Variants in ATP13A3 observed in about 807,000 individuals in gnomAD.
ATP13A3 encodes ATPase 13A3, also known as polyamine-transporting ATPase 13A3.
ATP13A3 carries 59 observed loss-of-function variants against 158.1 expected under a neutral mutation model. That is an observed-to-expected ratio of 0.37 (90% confidence interval 0.30 to 0.46). The LOEUF (loss-of-function observed/expected upper bound fraction) is 0.46. Ranked by LOEUF, ATP13A3 falls within the 20% of genes least tolerant of loss-of-function variation. The probability of loss-of-function intolerance (pLI) is 1.00; values close to 1 mark genes in which losing one functional copy is unlikely to be tolerated. For missense variants in ATP13A3, 1,166 were observed against 1,525.2 expected (o/e 0.76, Z 3.92); for synonymous variants, 491 against 504.3 (o/e 0.97, Z 0.35).
At chr3:194,414,568 G>A (rs986273411) in intron 31 of ATP13A3, among the ~76,000 whole-genome samples, 1 of 151,952 alleles carries the variant, frequency 6.6e-6, no homozygotes, top group Non-Finnish European at 1.5e-5. Context: ...CAATCTAAGT[G>A]TTCACTTTAA....
rs374720711 is a variant in ATP13A3, at chr3:194,411,542, CCT to C, written c.3573+655_3573+656del. On this transcript the variant is annotated intron_variant, in intron 33 of 33. Coordinates refer to ENST00000645319, the MANE Select transcript of ATP13A3 (RefSeq NM_001367549.1). Reference sequence around the variant, plus strand: ...CTAACACTAGGAAATGGGTTTTATTCCTCTGTTTCTCTTCTCTCTTTACCACA... The same window carrying C: ...CTAACACTAGGAAATGGGTTTTATTCCTGTTTCTCTTCTCTCTTTACCACA... 2.5e-3 allele frequency among the ~76,000 whole-genome samples: 382 copies of C among 152,280 alleles called. 2 individuals are homozygous for C. The highest frequency in any genetic ancestry group is 8.7e-3 in the African/African-American group (362 of 41,566).
intron 15 of ATP13A3, among the ~76,000 whole-genome samples, chr3:194,441,900 T>C (rs1718076300): frequency 6.6e-6 from 1 of 152,194 alleles, no homozygotes; most frequent in Admixed American, 6.5e-5. Context: ...GCTTGTCTTT[T>C]TCCTCACCCA....
At chr3:194,430,738 C>A (rs79377418) in intron 24 of ATP13A3, among the ~76,000 whole-genome samples, 20,290 of 152,148 alleles carry the variant, frequency 0.13, 1,450 homozygotes, top group South Asian at 0.24. Flanking sequence ...AGAGAAAAAA[C>A]TGTGGATATT....
At chr3:194,433,579 G>A (rs1333418132) in intron 21 of ATP13A3, among the ~76,000 whole-genome samples, 193 bp downstream of exon 21, 5 of 152,156 alleles carry the variant, frequency 3.3e-5, no homozygotes, top group African/African-American at 7.2e-5. Flanking sequence ...CTATAAATAG[G>A]ATTCGCTAGA....
At position 194,405,899 on chromosome 3, in the gene ATP13A3, C is replaced by T. The variant is rs1406830763; in HGVS notation, c.*20G>A. On this transcript the variant is annotated 3_prime_UTR_variant, in exon 34 of 34. Coordinates refer to ENST00000645319, the MANE Select transcript of ATP13A3 (RefSeq NM_001367549.1). ...TTCCTGAATACTGCTATCAGCAATACCACTGAGACTGATTCACTGCTATGT... is the reference window on the plus strand; with the variant it reads ...TTCCTGAATACTGCTATCAGCAATATCACTGAGACTGATTCACTGCTATGT... 3 of 1,609,852 alleles carry T rather than the reference C, an allele frequency of 1.9e-6. No homozygotes were observed. The highest frequency in any genetic ancestry group is 1.7e-5 in the Admixed American group (1 of 60,004).
chr3:194,417,958 C>A (rs6772325), intron 31 of ATP13A3, among the ~76,000 whole-genome samples: 10,636 of 76,572 alleles, frequency 0.14, 853 homozygotes, highest in Middle Eastern at 0.2. Flanking sequence ...GACGGACGGA[C>A]GGAAGGAAGG....
At chr3:194,437,664 AT>A in intron 17 of ATP13A3, 91 bp from the exon 18 acceptor site, 1 of 1,284,144 alleles carries the variant, frequency 7.8e-7, no homozygotes, top group Non-Finnish European at 1.1e-6. Context: ...TCCACAAAAC[AT>A]TATTTGGAAA....
chr3:194,481,869 G>A lies in ATP13A3; in HGVS notation c.-47+3925C>T, dbSNP rs577781509. Among the ~76,000 whole-genome samples, 4 of 152,298 alleles carry A rather than the reference G, an allele frequency of 2.6e-5. No homozygotes were observed. The South Asian group carries it at 8.3e-4, about 32-fold the overall frequency. On this transcript the variant is annotated intron_variant, in intron 2 of 33. Coordinates refer to ENST00000645319, the MANE Select transcript of ATP13A3 (RefSeq NM_001367549.1). ...AAACCAAGATCCACAGGGAGTAAGT[G>A]TAAGAATCAACAAAAAAGACAAAAT...
intron 33 of ATP13A3, among the ~76,000 whole-genome samples, chr3:194,410,323 A>AC (rs1715298903): frequency 3.5e-5 from 5 of 144,326 alleles, no homozygotes; most frequent in African/African-American, 1.1e-4. Context: ...AAAAAAAAAA[A>AC]AAAAAAAACT....
chr3:194,423,561 C>G (rs1035986986), intron 30 of ATP13A3, among the ~76,000 whole-genome samples: 1 of 152,186 alleles, frequency 6.6e-6, no homozygotes. Flanking sequence ...TTTCAGAAGG[C>G]ATGCTTTACA....
At chr3:194,463,282 A>G (rs1265632754) in intron 2 of ATP13A3, among the ~76,000 whole-genome samples, 1 of 141,420 alleles carries the variant, frequency 7.1e-6, no homozygotes. Flanking sequence ...CCACTGACAT[A>G]TTTTTCCTTT....
intron 27 of ATP13A3, 152 bp downstream of exon 27, chr3:194,429,526 T>TGAATAGCAA (rs1717063082): frequency 4.4e-6 from 2 of 453,918 alleles, no homozygotes; most frequent in Non-Finnish European, 7.8e-6. Context: ...TTCAATTTGC[T>TGAATAGCAA]ATTCAAACTA....
chr3:194,402,713 A>G lies in ATP13A3; in HGVS notation c.*3206T>C, dbSNP rs1021888646. ...AAAATTTTTATTTTGAATAGCTTCA[A>G]TCAAAAAAGGTTTCATAAGATTATT... On this transcript the variant is annotated 3_prime_UTR_variant, in exon 34 of 34. Coordinates refer to ENST00000645319, the MANE Select transcript of ATP13A3 (RefSeq NM_001367549.1). 7 of 152,226 alleles carry G rather than the reference A, an allele frequency of 4.6e-5. No homozygotes were observed. Among genetic ancestry groups the G allele is most frequent in the Non-Finnish European group, 8.8e-5 (6 of 68,034 alleles). 9.4% of individuals were successfully genotyped at this position (152,226 alleles called of 1,614,324 possible).
Position 194,462,247 on chromosome 3 carries a change from A to G in ATP13A3, c.-46-11T>C, listed in dbSNP as rs1719715164. On this transcript the variant is annotated splice_polypyrimidine_tract_variant and intron_variant, in intron 2 of 33. Coordinates refer to ENST00000645319, the MANE Select transcript of ATP13A3 (RefSeq NM_001367549.1). ...AACAATGGAAGATCACTGAGGGAAG[A>G]AAGGGAACAGACGTTAGGGAACTAT... is the stretch of plus-strand genomic sequence containing the variant. 1 of 1,491,112 alleles carries G rather than the reference A, an allele frequency of 6.7e-7. No homozygotes were observed. The highest frequency in any genetic ancestry group is 9.4e-7 in the Non-Finnish European group (1 of 1,068,974). 92.4% of individuals were successfully genotyped at this position (1,491,112 alleles called of 1,614,324 possible).
intron 21 of ATP13A3, 47 bp downstream of exon 21, chr3:194,433,725 G>A (rs1717418415): frequency 1.9e-6 from 3 of 1,606,320 alleles, no homozygotes; most frequent in African/African-American, 2.7e-5. Flanking sequence ...TATAACTTCA[G>A]CTCTGTCACA....
intron 3 of ATP13A3, among the ~76,000 whole-genome samples, chr3:194,461,289 C>T (rs1164649240): frequency 6.6e-6 from 1 of 151,982 alleles, no homozygotes; most frequent in South Asian, 2.1e-4. Flanking sequence ...TGTGCAGTTT[C>T]CCCTAATGTT....
chr3:194,489,585 A>T (rs1310001980), upstream of ATP13A3, among the ~76,000 whole-genome samples: 2 of 152,190 alleles, frequency 1.3e-5, no homozygotes, highest in African/African-American at 2.4e-5. This position sits in a 1 kb window ranked among gnomAD's most constrained non-coding sequence, Gnocchi z 4.1. Context: ...GCTGCAGTGT[A>T]TACCTCCAAG....
In ATP13A3 at chr3:194,437,373, T is replaced by G; in HGVS notation, c.1937A>C (p.Lys646Thr). The change falls in exon 19 of 34, where the codon AAA (lysine) becomes ACA (threonine). Residue 646 changes from lysine (K) to threonine (T), a missense_variant. By Grantham distance (78) the Lys-to-Thr change is moderately conservative. Around this residue, in one of 3 missense-constraint regions of ATP13A3, gnomAD observed 997 missense variants for 1,341.2 expected, o/e 0.74. Transcript: ENST00000645319. Reference sequence around the variant, plus strand: ...CGCTCCTTTCATGTAGGCGTCCATTTTCCTATCCCCCAGCACCCTGGCAAC... The same window carrying G: ...CGCTCCTTTCATGTAGGCGTCCATTGTCCTATCCCCCAGCACCCTGGCAAC... ...SVVARVLGDRKMDAYMKGAPE... is the reference protein window; with the variant it reads ...SVVARVLGDRTMDAYMKGAPE... 2 of 1,614,180 alleles carry G rather than the reference T, an allele frequency of 1.2e-6. No individual in the cohort carries two copies. Among genetic ancestry groups the G allele is most frequent in the Non-Finnish European group, 1.7e-6 (2 of 1,180,036 alleles).
At chr3:194,457,229 T>A in intron 6 of ATP13A3, 55 bp from the exon 7 acceptor site, 1 of 1,368,450 alleles carries the variant, frequency 7.3e-7, no homozygotes, top group Non-Finnish European at 1.0e-6. Flanking sequence ...CCAAATTTCT[T>A]AACGCCTCAT....
Sources: allele counts gnomAD v4.1 joint callset (sites outside exome capture counted in the v4.1 genomes callset), GRCh38; gene constraint gnomAD v4.1.1; regional missense constraint gnomAD v4.1.1; non-coding constraint Gnocchi (gnomAD v3.1); transcripts MANE v1.5; gene names NCBI Gene and HGNC (gene_info 2026-07-23, HGNC 2026-07-21).